The following UBXN11 variants were observed in gnomAD, a reference collection of about 807,000 sequenced individuals.
UBXN11 encodes UBX domain protein 11.
A neutral mutation model predicts 62.8 loss-of-function variants in UBXN11; 47 were observed. The ratio of observed to expected loss-of-function variants is 0.75; its 90% CI spans 0.59 to 0.95. The LOEUF (loss-of-function observed/expected upper bound fraction) is 0.95. Ranked by LOEUF, UBXN11 falls within the 40% of genes least tolerant of loss-of-function variation. The pLI, the probability that UBXN11 is intolerant of heterozygous loss-of-function variation, is 0.00. For missense variants in UBXN11, 638 were observed against 661.7 expected, an observed-to-expected ratio of 0.96 and a Z score of 0.39; for synonymous variants, 294 against 267.0, an observed-to-expected ratio of 1.10 and a Z score of -0.99.
chr1:26,289,347 C>G (rs992343611), intron 8 of UBXN11, among the ~76,000 whole-genome samples: 2 of 152,118 alleles, frequency 1.3e-5, no homozygotes, highest in Non-Finnish European at 2.9e-5. Context: ...TCACCCCTAC[C>G]TCCTCCAAGA....
rs376649739 is a variant in UBXN11, at chr1:26,285,895, C to T, written c.702G>A (p.Pro234=). The T allele has an allele frequency of 1.6e-5, 26 of 1,613,268 alleles. No homozygotes were observed. The highest frequency in any genetic ancestry group is 1.2e-4 in the African/African-American group (9 of 74,920). The stretch of plus-strand genomic sequence containing the variant: ...TGATGCCATTCCGGTAGAGCTTCAG[C>T]GGGATGGGCTCGAGGGTACGCAGCC... ...GARLRTLEPI[P]LKLYRNGIMM... The change falls in exon 9 of 15, where the codon CCG becomes CCA. Residue 234 remains proline (P), a synonymous_variant. Transcript: ENST00000374222.
chr1:26,304,305 C>T (rs2073610000), intron 1 of UBXN11, among the ~76,000 whole-genome samples: 1 of 152,068 alleles, frequency 6.6e-6, no homozygotes, highest in South Asian at 2.1e-4. Context: ...CACCCTGCCC[C>T]AGCCCCTGCC....
intron 1 of UBXN11, among the ~76,000 whole-genome samples, chr1:26,313,782 CTTT>C (rs56037016): frequency 4.8e-5 from 6 of 125,894 alleles, no homozygotes; most frequent in Admixed American, 2.4e-4. Context: ...AATTTTTTTT[CTTT>C]TTTTTTTTTT....
In UBXN11 at chr1:26,302,634, T is replaced by C. The variant is rs75211490; in HGVS notation, c.71+179A>G. ...ACTAAAAGCACAACCCAGTTTATGCTCAGATCCAAAGTTGGGTGCCCCAGA... is the reference window on the plus strand; with the variant it reads ...ACTAAAAGCACAACCCAGTTTATGCCCAGATCCAAAGTTGGGTGCCCCAGA... On this transcript the variant is annotated intron_variant, in intron 2 of 14. Transcript: ENST00000374222. 2.3e-3 allele frequency among the ~76,000 whole-genome samples: 350 copies of C among 152,154 alleles called. 2 individuals are homozygous for C. The highest frequency in any genetic ancestry group is 7.3e-3 in the African/African-American group (302 of 41,502).
chr1:26,302,954 ACT>A, intron 1 of UBXN11, 36 bp from the exon 2 acceptor site: 2 of 1,489,496 alleles, frequency 1.3e-6, no homozygotes, highest in Non-Finnish European at 1.9e-6. Flanking sequence ...CTGGGGACAG[ACT>A]CAGGGCTCCA....
intron 3 of UBXN11, 140 bp downstream of exon 3, chr1:26,301,554 T>A (rs1168771630): frequency 8.3e-7 from 1 of 1,202,020 alleles, no homozygotes; most frequent in African/African-American, 1.5e-5. Context: ...GAGGACAGCA[T>A]GGGAGCTGCA....
Position 26,300,003 on chromosome 1 carries a change from TAAAATA to T in UBXN11, c.199+917_199+922del, listed in dbSNP as rs558901991. ...GAGCAAAACCCTGTCTCAAAAAAAA[TAAAATA>T]AAAAAGAAAGTTGACCCCAGCCAGG... On this transcript the variant is annotated intron_variant, in intron 4 of 14. Coordinates refer to ENST00000374222, the MANE Select transcript of UBXN11 (RefSeq NM_001389556.1). Among the ~76,000 whole-genome samples the T allele has an allele frequency of 4.9e-4, 72 of 145,898 alleles. 1 individual carries two copies. Among genetic ancestry groups the T allele is most frequent in the African/African-American group, 1.4e-3 (56 of 38,898 alleles).
chr1:26,297,018 G>A, intron 6 of UBXN11, 23 bp from the exon 7 acceptor site: 1 of 1,585,612 alleles, frequency 6.3e-7, no homozygotes, highest in Non-Finnish European at 8.6e-7. Context: ...ACAGGGACAG[G>A]CTTCAGCTGC....
upstream of UBXN11, chr1:26,306,827 G>GA (rs1220960676): frequency 1.3e-4 from 11 of 85,360 alleles, 1 homozygote; most frequent in African/African-American, 4.5e-4. Flanking sequence ...TCCGGGGCGG[G>GA]GTGGGGGGGG....
At chr1:26,291,432 G>T (rs10902734) in intron 8 of UBXN11, among the ~76,000 whole-genome samples, 70,958 of 152,138 alleles carry the variant, frequency 0.47, 17,912 homozygotes, top group East Asian at 0.71. Context: ...AGGGACCACA[G>T]ATATGGCCAG....
chr1:26,302,949 G>GA (rs2073576133), intron 1 of UBXN11, 31 bp from the exon 2 acceptor site: 2 of 1,520,528 alleles, frequency 1.3e-6, no homozygotes, highest in Non-Finnish European at 1.8e-6. Context: ...AGCCCCTGGG[G>GA]ACAGACTCAG....
At chr1:26,310,537 T>TTAA (rs1557693823), upstream of UBXN11, among the ~76,000 whole-genome samples, 2 of 23,946 alleles carry the variant, frequency 8.4e-5, no homozygotes, top group African/African-American at 3.4e-4. Flanking sequence ...AGACTCCATC[T>TTAA]CAAAAAAAAA....
At chr1:26,312,979 CAAAAAAAAAAA>C (rs55777309) in intron 1 of UBXN11, among the ~76,000 whole-genome samples, 8 of 48,150 alleles carry the variant, frequency 1.7e-4, no homozygotes, top group East Asian at 1.1e-3. Flanking sequence ...AACTCTGTCT[CAAAAAAAAAAA>C]AAAAAAAAAA....
chr1:26,310,506 C>T (rs2073730229), upstream of UBXN11, among the ~76,000 whole-genome samples: 1 of 150,366 alleles, frequency 6.7e-6, no homozygotes. Flanking sequence ...TCACTGCACT[C>T]CAGCCTGGGC....
rs750934022 is a variant in UBXN11, at chr1:26,297,007, G to C, written c.356-12C>G. 1 of 1,594,846 alleles carries C rather than the reference G, an allele frequency of 6.3e-7. No homozygotes were observed. The highest frequency in any genetic ancestry group is 1.7e-5 in the Admixed American group (1 of 57,554). On this transcript the variant is annotated splice_polypyrimidine_tract_variant and intron_variant, in intron 6 of 14. Coordinates refer to ENST00000374222, the MANE Select transcript of UBXN11 (RefSeq NM_001389556.1). ...CAGGGTTGCCTCGGCTTCAGGGAAA[G>C]ACAGGGACAGGCTTCAGCTGCCCCA... is the stretch of plus-strand genomic sequence containing the variant.
chr1:26,297,861 C>T (rs1042531977), intron 5 of UBXN11, 101 bp downstream of exon 5: 28 of 1,294,234 alleles, frequency 2.2e-5, no homozygotes, highest in African/African-American at 7.3e-5. Context: ...GTGTGGTAGA[C>T]GGTTCTAGAA....
intron 8 of UBXN11, among the ~76,000 whole-genome samples, 167 bp downstream of exon 8, chr1:26,294,038 G>A (rs1334134793): frequency 6.6e-6 from 1 of 152,186 alleles, no homozygotes; most frequent in Non-Finnish European, 1.5e-5. Context: ...AGTGATGGAG[G>A]CCAAGGCTGC....
At chr1:26,295,681 G>A (rs1337386108) in intron 7 of UBXN11, among the ~76,000 whole-genome samples, 2 of 150,430 alleles carry the variant, frequency 1.3e-5, no homozygotes, top group Admixed American at 6.6e-5. Flanking sequence ...TGTCACCCCC[G>A]CAGGTGGTCC....
In UBXN11 at chr1:26,287,906, C is replaced by CT. The variant is rs11307343; in HGVS notation, c.560-1870dup. On this transcript the variant is annotated intron_variant, in intron 8 of 14. Coordinates refer to ENST00000374222, the MANE Select transcript of UBXN11 (RefSeq NM_001389556.1). ...ATCTCATACAATGCCTGCCTCAACC[C>CT]TTTTTTTTTTTTTTCCGAGAAAGGG... is the stretch of plus-strand genomic sequence containing the variant. Among the ~76,000 whole-genome samples, 56 of 139,204 alleles carry CT rather than the reference C, an allele frequency of 4.0e-4. 1 individual carries two copies. Among genetic ancestry groups the CT allele is most frequent in the Middle Eastern group, 3.6e-3 (1 of 274 alleles). 91.3% of individuals were successfully genotyped at this position (139,204 alleles called of 152,430 possible). A position where few individuals can be genotyped will look rare whatever the true frequency, so the allele number is the denominator to read the frequency against.
Sources: gnomAD v4.1 joint callset for allele counts (sites outside exome capture counted in the v4.1 genomes callset) on GRCh38, gnomAD v4.1.1 for gene constraint, MANE v1.5 for transcripts, NCBI Gene and HGNC (gene_info 2026-07-23, HGNC 2026-07-21) for gene names.